TTC3: variants seen among roughly 807,000 people sequenced by gnomAD.
The protein encoded by TTC3 is tetratricopeptide repeat domain 3.
TTC3 carries 180 observed loss-of-function variants against 249.6 expected under a neutral mutation model. The ratio of observed to expected loss-of-function variants is 0.72; its 90% confidence interval spans 0.64 to 0.82. The LOEUF is 0.82. TTC3 is among the 40% of genes least tolerant of loss of function. The pLI is 0.00. For missense variants in TTC3, 2,061 were observed against 2,398.4 expected, an observed-to-expected ratio of 0.86 and a Z score of 2.94; for synonymous variants, 717 against 805.0, an observed-to-expected ratio of 0.89 and a Z score of 1.85.
chr21:37,095,359 C>G, exon 9 of TTC3: 2 of 1,601,338 alleles, frequency 1.2e-6, no homozygotes, highest in Non-Finnish European at 8.5e-7. Context: ...GGAAGGAGAA[C>G]TAATGAAAAT....
chr21:37,087,053 T>A, intron 1 of TTC3, 194 bp from the exon 2 acceptor site: 1 of 590,402 alleles, frequency 1.7e-6, no homozygotes, highest in East Asian at 2.9e-5. Flanking sequence ...AGAAATAGAT[T>A]AAATTATCTG....
chr21:37,095,310 G>T, intron 8 of TTC3, 40 bp from the exon 9 acceptor site: 1 of 1,376,048 alleles, frequency 7.3e-7, no homozygotes, highest in Non-Finnish European at 1.0e-6. Flanking sequence ...GATGATTTTT[G>T]GAGGTCATTG....
intron 20 of TTC3, among the ~76,000 whole-genome samples, chr21:37,142,732 T>C (rs1272157834): frequency 1.3e-5 from 2 of 152,090 alleles, no homozygotes; most frequent in African/African-American, 4.8e-5. Context: ...CTTCACAGAA[T>C]TGGAAAAAAC....
chr21:37,165,148 C>T (rs1379820821), intron 32 of TTC3, among the ~76,000 whole-genome samples: 2 of 152,150 alleles, frequency 1.3e-5, no homozygotes, highest in South Asian at 2.1e-4. Context: ...TTACTGTACG[C>T]AAATTCAAAT....
At chr21:37,146,078 A>T (rs895434634) in intron 21 of TTC3, among the ~76,000 whole-genome samples, 2 of 152,236 alleles carry the variant, frequency 1.3e-5, no homozygotes, top group African/African-American at 4.8e-5. Flanking sequence ...GAATGTTCAT[A>T]GCAGCATTAG....
At chr21:37,084,983 A>T (rs1286103416) in intron 1 of TTC3, among the ~76,000 whole-genome samples, 1 of 138,490 alleles carries the variant, frequency 7.2e-6, no homozygotes, top group African/African-American at 2.6e-5. Flanking sequence ...ACAGAGTGAG[A>T]CTGTGTCTCA....
intron 10 of TTC3, chr21:37,101,024 C>T (rs1357658920): frequency 6.6e-6 from 1 of 152,082 alleles, no homozygotes; most frequent in African/African-American, 2.4e-5. Context: ...TTGTGAGACT[C>T]GTGGAAAATT....
Position 37,126,071 on chromosome 21 carries a change from C to G in TTC3, c.1234-9C>G, listed in dbSNP as rs1253147340. The G allele has an allele frequency of 1.3e-6, 2 of 1,547,162 alleles. No homozygotes were observed. Among genetic ancestry groups the G allele is most frequent in the East Asian group, 4.7e-5 (2 of 42,414 alleles). On this transcript the variant is annotated splice_polypyrimidine_tract_variant and intron_variant, in intron 14 of 45. Transcript: ENST00000355666. ...TTTTTTTTTTAAGTCTCACTAATTTCATTGGCAGGTGGCGGATGAGGCGTT... is the reference window on the plus strand; with the variant it reads ...TTTTTTTTTTAAGTCTCACTAATTTGATTGGCAGGTGGCGGATGAGGCGTT...
chr21:37,197,283 A>T (rs866457466), intron 42 of TTC3, among the ~76,000 whole-genome samples: 3 of 151,088 alleles, frequency 2.0e-5, no homozygotes, highest in Non-Finnish European at 4.4e-5. Flanking sequence ...ATCTCTTCTT[A>T]AAAAAAAATG....
exon 13 of TTC3, chr21:37,123,012 G>C: frequency 6.2e-7 from 1 of 1,613,998 alleles, no homozygotes; most frequent in Non-Finnish European, 8.5e-7. Flanking sequence ...TCCAATTAAA[G>C]CCTTTTATGA....
intron 1 of TTC3, among the ~76,000 whole-genome samples, chr21:37,079,891 A>G (rs2071403570): frequency 6.6e-6 from 1 of 151,904 alleles, no homozygotes; most frequent in South Asian, 2.1e-4. Flanking sequence ...CCCTTTTCTC[A>G]TGTTGAATAT....
At chr21:37,170,864 T>C (rs2081713430) in intron 34 of TTC3, among the ~76,000 whole-genome samples, 1 of 152,212 alleles carries the variant, frequency 6.6e-6, no homozygotes, top group Non-Finnish European at 1.5e-5. Context: ...AATATTTTGA[T>C]GTGTAGCCTT....
At chr21:37,130,049 T>C (rs2077348242) in intron 16 of TTC3, among the ~76,000 whole-genome samples, 2 of 152,240 alleles carry the variant, frequency 1.3e-5, no homozygotes, top group African/African-American at 4.8e-5. Context: ...TAAAGTGATG[T>C]TGGAGAAACA....
chr21:37,112,563 A>G (rs537205642), intron 11 of TTC3, among the ~76,000 whole-genome samples: 1 of 152,310 alleles, frequency 6.6e-6, no homozygotes, highest in African/African-American at 2.4e-5. Context: ...CTTACCAATC[A>G]AAAAAAGTCC....
rs1344657574 is a variant in TTC3 at position 37,157,221 on chromosome 21, G to A, written c.2992+315G>A. On this transcript the variant is annotated intron_variant, in intron 28 of 45. Transcript: ENST00000355666. Reference sequence around the variant, plus strand: ...ACACTGACAGAATCTATTAGTAAGTGGTTTGATTTATAGCATTTTAGAAAA... The same window carrying A: ...ACACTGACAGAATCTATTAGTAAGTAGTTTGATTTATAGCATTTTAGAAAA... 6 of 1,319,032 alleles carry A rather than the reference G, an allele frequency of 4.5e-6. No individual in the cohort carries two copies. The East Asian group carries it at 3.0e-4, about 67-fold the overall frequency. 81.7% of individuals were successfully genotyped at this position (1,319,032 alleles called of 1,614,324 possible).
intron 35 of TTC3, among the ~76,000 whole-genome samples, chr21:37,178,139 A>G (rs2082431445): frequency 6.6e-6 from 1 of 152,194 alleles, no homozygotes; most frequent in Non-Finnish European, 1.5e-5. Flanking sequence ...ATCTATGTTA[A>G]TATGTATCAG....
At chr21:37,160,840 G>A (rs2080663895) in exon 30 of TTC3, 19 of 1,612,656 alleles carry the variant, frequency 1.2e-5, no homozygotes, top group Non-Finnish European at 1.4e-5. Flanking sequence ...GCAAGAAAAA[G>A]AAGCCAAAGG....
At chr21:37,086,765 G>C (rs1288244058) in intron 1 of TTC3, 1 of 159,234 alleles carries the variant, frequency 6.3e-6, no homozygotes, top group Admixed American at 5.9e-5. Context: ...GTTCTCAGTG[G>C]AGTCAGGATT....
intron 1 of TTC3, among the ~76,000 whole-genome samples, chr21:37,075,472 A>AC (rs1189491495): frequency 1.3e-5 from 2 of 152,350 alleles, no homozygotes; most frequent in South Asian, 2.1e-4. Context: ...CTTCAATTTA[A>AC]CCAAGTATCA....
Sources: gnomAD v4.1 joint callset for allele counts (sites outside exome capture counted in the v4.1 genomes callset) on GRCh38, gnomAD v4.1.1 for gene constraint, MANE v1.5 for transcripts, NCBI Gene and HGNC (gene_info 2026-07-23, HGNC 2026-07-21) for gene names.